Variants in KCNQ5 observed in about 807,000 individuals in gnomAD.
KCNQ5 encodes the protein potassium voltage-gated channel subfamily KQT member 5.
A neutral mutation model predicts 98.2 loss-of-function variants in KCNQ5; 30 were observed. That is an observed-to-expected ratio of 0.31 (90% CI 0.23 to 0.41). The LOEUF (loss-of-function observed/expected upper bound fraction) is 0.41. Among genes scored for constraint, KCNQ5 ranks in the 10% least tolerant of loss-of-function variants. KCNQ5 has a pLI of 1.00. For missense variants in KCNQ5, 835 were observed against 1,182.5 expected (o/e 0.71, Z 4.31); for synonymous variants, 458 against 449.4 (o/e 1.02, Z -0.24).
At chr6:72,772,564 C>T (rs1015822640) in intron 1 of KCNQ5, among the ~76,000 whole-genome samples, 2 of 152,042 alleles carry the variant, frequency 1.3e-5, no homozygotes, top group African/African-American at 4.8e-5. Context: ...AATGGCCATC[C>T]TTTACCAGCC....
chr6:73,137,683 G>C (rs1013300328), intron 10 of KCNQ5, among the ~76,000 whole-genome samples: 3 of 152,032 alleles, frequency 2.0e-5, no homozygotes, highest in Admixed American at 2.0e-4. Context: ...TGGAGTAGCT[G>C]AGGTATTATC....
intron 5 of KCNQ5, among the ~76,000 whole-genome samples, chr6:73,080,307 T>G (rs1213923949): frequency 6.6e-6 from 1 of 152,186 alleles, no homozygotes; most frequent in Non-Finnish European, 1.5e-5. Flanking sequence ...TATGTTTCTA[T>G]TTTTAAAAAA....
In KCNQ5 at chr6:73,197,115, C is replaced by T. The variant is rs1271022178; in HGVS notation, c.*1701C>T. ...CAAAGGAAGAAGGAGGCCCTGAACTCCACCAATCCTCCCCAGCCCTCCCCA... is the reference window on the plus strand; with the variant it reads ...CAAAGGAAGAAGGAGGCCCTGAACTTCACCAATCCTCCCCAGCCCTCCCCA... On this transcript the variant is annotated 3_prime_UTR_variant, in exon 14 of 14. Transcript: ENST00000370398. 6.6e-6 allele frequency: 1 copy of T among 152,160 alleles called. No individual in the cohort carries two copies. The allele number at this position is 152,160 out of a possible 1,614,324, so 9.4% of individuals were successfully genotyped here. A position where few individuals can be genotyped will look rare whatever the true frequency, so the allele number is the denominator to read the frequency against.
rs1219715945 is a variant in KCNQ5 at position 72,736,510 on chromosome 6, T to TTTTTTTTG, written c.398+113924_398+113931dup. On this transcript the variant is annotated intron_variant, in intron 1 of 13. Transcript: ENST00000370398. ...CATGTAAAAAAAGATTTCTTTTTTT[T>TTTTTTTTG]TTTTTTTGAGACGGAGTCTCGCTCT... is the stretch of plus-strand genomic sequence containing the variant. Among the ~76,000 whole-genome samples, 17 of 138,260 alleles carry TTTTTTTTG rather than the reference T, an allele frequency of 1.2e-4. 2 individuals carry two copies. Among genetic ancestry groups the TTTTTTTTG allele is most frequent in the African/African-American group, 4.3e-4 (14 of 32,796 alleles). 90.7% of individuals were successfully genotyped at this position (138,260 alleles called of 152,430 possible).
rs1257336059 is a variant in KCNQ5 at position 73,192,940 on chromosome 6, G to GAAA, written c.1836+251_1836+253dup. ...AAACAACTATAGATTTCCAATAGTT[G>GAAA]AAAATCGTTTAAAAATAACAAAGAT... On this transcript the variant is annotated intron_variant, in intron 13 of 13. Transcript: ENST00000370398. 4.0e-5 allele frequency among the ~76,000 whole-genome samples: 6 copies of GAAA among 151,404 alleles called. No individual in the cohort carries two copies. The East Asian group carries it at 1.2e-3, about 29-fold the overall frequency.
chr6:73,142,700 G>A (rs112642378), intron 10 of KCNQ5, among the ~76,000 whole-genome samples: 3,852 of 152,226 alleles, frequency 0.025, 159 homozygotes, highest in African/African-American at 0.087. Context: ...TGGATCACCT[G>A]AGGTCAGGAG....
chr6:73,111,475 T>A, intron 7 of KCNQ5, 72 bp downstream of exon 7: 1 of 937,750 alleles, frequency 1.1e-6, no homozygotes, highest in Non-Finnish European at 1.7e-6. Flanking sequence ...TTCCAATCTC[T>A]GTGCTTCATT....
intron 1 of KCNQ5, among the ~76,000 whole-genome samples, chr6:72,658,235 T>C (rs982561847): frequency 2.6e-5 from 4 of 152,198 alleles, no homozygotes; most frequent in Non-Finnish European, 4.4e-5. Context: ...GTTAAATAGT[T>C]AATTACTTCA....
At position 73,004,012 on chromosome 6, in the gene KCNQ5, G is replaced by T; in HGVS notation, c.489+14G>T. ...CTCTTGATCCTGGTAAGTGAAACAT[G>T]AACAAGAACGTACATGAATGTTGTA... On this transcript the variant is annotated intron_variant, in intron 2 of 13. Transcript: ENST00000370398. 1 of 1,449,242 alleles carries T rather than the reference G, an allele frequency of 6.9e-7. No individual in the cohort carries two copies. Among genetic ancestry groups the T allele is most frequent in the Non-Finnish European group, 9.7e-7 (1 of 1,030,592 alleles). 89.8% of individuals were successfully genotyped at this position (1,449,242 alleles called of 1,614,324 possible).
intron 3 of KCNQ5, among the ~76,000 whole-genome samples, chr6:73,061,615 G>A (rs1414316953): frequency 6.6e-6 from 1 of 152,132 alleles, no homozygotes; most frequent in Admixed American, 6.5e-5. Flanking sequence ...CTAGGCTGAA[G>A]TAACATAGAA....
chr6:73,021,760 C>A (rs1407897077), intron 2 of KCNQ5, among the ~76,000 whole-genome samples: 1 of 152,162 alleles, frequency 6.6e-6, no homozygotes, highest in East Asian at 1.9e-4. Context: ...TTCAATTAAT[C>A]TTGCAATTTT....
At chr6:72,783,960 G>C (rs1450446753) in intron 1 of KCNQ5, among the ~76,000 whole-genome samples, 5 of 152,132 alleles carry the variant, frequency 3.3e-5, no homozygotes, top group African/African-American at 1.2e-4. Context: ...GAACACAAAA[G>C]GCCGTGTAGC....
chr6:73,138,446 TG>T (rs1776563668), intron 10 of KCNQ5, among the ~76,000 whole-genome samples: 1 of 152,174 alleles, frequency 6.6e-6, no homozygotes, highest in Non-Finnish European at 1.5e-5. Context: ...TACAATAACC[TG>T]GACAGTGAAG....
intron 1 of KCNQ5, among the ~76,000 whole-genome samples, chr6:72,940,768 G>A (rs957851200): frequency 3.3e-5 from 5 of 152,164 alleles, no homozygotes; most frequent in Admixed American, 2.6e-4. Context: ...GCTTCTGCAC[G>A]TACTAGCTCT....
intron 1 of KCNQ5, among the ~76,000 whole-genome samples, chr6:72,985,338 T>C (rs1397366165): frequency 6.6e-6 from 1 of 152,230 alleles, no homozygotes; most frequent in Non-Finnish European, 1.5e-5. Flanking sequence ...GGCATGTAAC[T>C]AACAGCATAT....
intron 1 of KCNQ5, among the ~76,000 whole-genome samples, chr6:72,990,710 G>A (rs1769055873): frequency 1.3e-5 from 1 of 79,920 alleles, no homozygotes; most frequent in Non-Finnish European, 2.4e-5. Context: ...TAGGAGCGGT[G>A]AGAGAGGGCA....
intron 3 of KCNQ5, among the ~76,000 whole-genome samples, chr6:73,051,698 A>T (rs1232676605): frequency 8.9e-6 from 1 of 112,096 alleles, no homozygotes; most frequent in Non-Finnish European, 1.9e-5. Flanking sequence ...ATCAAAGAAG[A>T]TAGAGGCAAA....
At chr6:72,713,209 C>G (rs1769458421) in intron 1 of KCNQ5, among the ~76,000 whole-genome samples, 1 of 152,102 alleles carries the variant, frequency 6.6e-6, no homozygotes, top group Non-Finnish European at 1.5e-5. Flanking sequence ...ACTTTTAAGC[C>G]CCAGCCCCAT....
chr6:73,137,308 A>G (rs1776512842), intron 10 of KCNQ5, among the ~76,000 whole-genome samples: 1 of 152,210 alleles, frequency 6.6e-6, no homozygotes, highest in Admixed American at 6.5e-5. Context: ...TCAATATTCC[A>G]TACTTGTGTG....
Sources: allele counts gnomAD v4.1 joint callset (sites outside exome capture counted in the v4.1 genomes callset), GRCh38; gene constraint gnomAD v4.1.1; transcripts MANE v1.5; gene names NCBI Gene and HGNC (gene_info 2026-07-23, HGNC 2026-07-21).